HLTF: variants seen among roughly 807,000 people sequenced by gnomAD.
HLTF encodes the protein DNA-dependent ATPase/E3 ubiquitin-protein ligase HLTF.
In HLTF, 127 loss-of-function variants were observed where a neutral mutation model predicts 129.4. That is an observed-to-expected ratio of 0.98 (90% CI 0.85 to 1.14). The LOEUF (loss-of-function observed/expected upper bound fraction) is 1.14. Among genes scored for constraint, HLTF ranks in the 50% most tolerant of loss-of-function variants. The probability of loss-of-function intolerance (pLI) is 0.00; values close to 1 mark genes in which losing one functional copy is unlikely to be tolerated. For missense variants in HLTF, 1,139 were observed against 1,187.1 expected, an observed-to-expected ratio of 0.96 and a Z score of 0.60; for synonymous variants, 332 against 388.8, an observed-to-expected ratio of 0.85 and a Z score of 1.72.
In HLTF at chr3:149,077,099, T is replaced by C. The variant is rs561287858; in HGVS notation, c.229-1052A>G. On this transcript the variant is annotated intron_variant, in intron 2 of 24. Transcript: ENST00000310053. ...CCCGTCTCTACTAAAAATACAAAAA[T>C]TAGCTGGGTGTGGTGGCACGCGCCT... Among the ~76,000 whole-genome samples the C allele has an allele frequency of 2.5e-3, 384 of 151,872 alleles. 1 individual carries two copies. Among genetic ancestry groups the C allele is most frequent in the Non-Finnish European group, 4.7e-3 (320 of 67,946 alleles).
At chr3:149,071,044 C>CAA (rs796316100) in intron 7 of HLTF, among the ~76,000 whole-genome samples, 2 of 112,370 alleles carry the variant, frequency 1.8e-5, no homozygotes, top group Non-Finnish European at 3.8e-5. Flanking sequence ...GACTCCATCT[C>CAA]AAAAAAAAAA....
chr3:149,059,706 A>C lies in HLTF; in HGVS notation c.1375+12T>G, dbSNP rs1384783817. On this transcript the variant is annotated intron_variant, in intron 13 of 24. Coordinates refer to ENST00000310053, the MANE Select transcript of HLTF (RefSeq NM_003071.4). ...AAAAACCAAAAACTAGAAAACAAGG[A>C]TATTTACTGACCCTTTTTCAACATT... 2 of 1,501,162 alleles carry C rather than the reference A, an allele frequency of 1.3e-6. No individual in the cohort carries two copies. The allele number at this position is 1,501,162 out of a possible 1,614,324, so 93.0% of individuals were successfully genotyped here. A position where few individuals can be genotyped will look rare whatever the true frequency, so the allele number is the denominator to read the frequency against.
chr3:149,079,695 C>A (rs887945735), intron 2 of HLTF, among the ~76,000 whole-genome samples: 2 of 152,042 alleles, frequency 1.3e-5, no homozygotes, highest in Admixed American at 6.5e-5. Context: ...CTAGTTCATG[C>A]GATTCTCCTG....
intron 2 of HLTF, among the ~76,000 whole-genome samples, chr3:149,079,103 C>A (rs1719649435): frequency 6.6e-6 from 1 of 151,956 alleles, no homozygotes; most frequent in African/African-American, 2.4e-5. Flanking sequence ...AAATGACACA[C>A]AACAGAGCCT....
chr3:149,065,969 CTA>C (rs1015005412), intron 8 of HLTF, among the ~76,000 whole-genome samples: 1 of 152,118 alleles, frequency 6.6e-6, no homozygotes, highest in African/African-American at 2.4e-5. Context: ...ACAATAATTA[CTA>C]TAACCATTTA....
In HLTF at chr3:149,034,920, T is replaced by C. The variant is rs1398418494; in HGVS notation, c.2875A>G (p.Lys959Glu). ...LGQKQEVIITKFIVKDSVEEN... is the reference protein window; with the variant it reads ...LGQKQEVIITEFIVKDSVEEN... ...AAATAGTTTGTTTAAAAACTCACTT[T>C]TGTGATGATAACTTCTTGCTTCTGA... Residue 959 changes from lysine (K) to glutamate (E), a missense_variant and splice_region_variant, in exon 24 of 25, where the codon AAA (lysine) becomes GAA (glutamate). Transcript: ENST00000310053. 2 of 1,608,378 alleles carry C rather than the reference T, an allele frequency of 1.2e-6. No individual in the cohort carries two copies. The highest frequency in any genetic ancestry group is 1.7e-5 in the Admixed American group (1 of 60,006).
chr3:149,062,920 G>T, intron 10 of HLTF: 1 of 308,214 alleles, frequency 3.2e-6, no homozygotes, highest in Middle Eastern at 4.3e-4. Flanking sequence ...TCTTTTATAG[G>T]TCAGTATCAT....
chr3:149,059,794 CT>C lies in HLTF; in HGVS notation c.1298del (p.Lys433ArgfsTer3). ...ATGCAAATGCCACATCTTCTATAACCTTAGAAGATCCTGCTGATAAAACAAC... is the reference window on the plus strand; with the variant it reads ...ATGCAAATGCCACATCTTCTATAACCTAGAAGATCCTGCTGATAAAACAAC... ...TKGRAKAGSS[K>X]VIEDVAFACA... On this transcript the variant is annotated frameshift_variant, in exon 13 of 25. Coordinates refer to ENST00000310053, the MANE Select transcript of HLTF (RefSeq NM_003071.4). LOFTEE classifies it high-confidence loss of function. The C allele has an allele frequency of 1.3e-6, 2 of 1,589,698 alleles. No individual in the cohort carries two copies. Among genetic ancestry groups the C allele is most frequent in the Non-Finnish European group, 1.7e-6 (2 of 1,168,034 alleles).
chr3:149,056,867 T>C (rs988737595), intron 13 of HLTF, among the ~76,000 whole-genome samples: 19 of 151,940 alleles, frequency 1.3e-4, no homozygotes, highest in Non-Finnish European at 2.9e-5. Context: ...CCCAGCACTT[T>C]GGGAGGCCGA....
Position 149,039,031 on chromosome 3 carries a change from AT to A in HLTF, c.2796+17del, listed in dbSNP as rs767928832. 2.1e-6 allele frequency: 3 copies of A among 1,450,404 alleles called. No individual in the cohort carries two copies. The South Asian group carries it at 4.4e-5, about 21-fold the overall frequency. The allele number at this position is 1,450,404 out of a possible 1,614,324, so 89.8% of individuals were successfully genotyped here. ...AAAGAAGTACTAAGATTCTGAAAAA[AT>A]TTACAGAACTACTTACTGGATCCAT... On this transcript the variant is annotated intron_variant, in intron 23 of 24. Transcript: ENST00000310053.
chr3:149,048,694 A>G (rs1471925945), intron 16 of HLTF, among the ~76,000 whole-genome samples, 169 bp downstream of exon 16: 1 of 152,246 alleles, frequency 6.6e-6, no homozygotes, highest in Non-Finnish European at 1.5e-5. Context: ...ATGTTGTTAT[A>G]TCACGGGCAA....
intron 18 of HLTF, among the ~76,000 whole-genome samples, chr3:149,042,905 C>G (rs1052803951): frequency 1.3e-5 from 2 of 151,932 alleles, no homozygotes; most frequent in Non-Finnish European, 2.9e-5. Flanking sequence ...TTTTGTATAT[C>G]TGGACTAGCA....
intron 10 of HLTF, among the ~76,000 whole-genome samples, chr3:149,061,231 A>G (rs956236960): frequency 1.3e-5 from 2 of 151,850 alleles, no homozygotes; most frequent in Non-Finnish European, 2.9e-5. Context: ...CACTACACCC[A>G]GCGAATTTCA....
rs560540290 is a variant in HLTF, at chr3:149,040,079, T to A, written c.2454A>T (p.Ala818=). ...TATCAGACTTTTTCTCACTGTCACG[T>A]GCTAATTCTTCTGGAGGACATTCTA... The part of the protein sequence containing the change: ...NLLECPPEEL[A]RDSEKKSDME... Residue 818 remains alanine, a synonymous_variant, in exon 21 of 25, where the codon GCA becomes GCT. Coordinates refer to ENST00000310053, the MANE Select transcript of HLTF (RefSeq NM_003071.4). The A allele has an allele frequency of 1.2e-6, 2 of 1,611,674 alleles. No individual in the cohort carries two copies. The highest frequency in any genetic ancestry group is 2.2e-5 in the East Asian group (1 of 44,768).
chr3:149,081,278 A>C (rs1260246492), intron 2 of HLTF, among the ~76,000 whole-genome samples: 2 of 147,964 alleles, frequency 1.4e-5, no homozygotes, highest in Non-Finnish European at 3.0e-5. Flanking sequence ...AAAAAAAAAA[A>C]CAAAAAATAA....
chr3:149,086,512 C>A lies in HLTF; in HGVS notation c.-176G>T. The A allele has an allele frequency of 4.6e-6, 3 of 650,668 alleles. No individual in the cohort carries two copies. The highest frequency in any genetic ancestry group is 2.8e-5 in the Admixed American group (1 of 35,450). 40.3% of individuals were successfully genotyped at this position (650,668 alleles called of 1,614,324 possible). ...CCGCGAGTCCAGTCAGACGTCGACG[C>A]CGTCTCCTTCTGCAACAATCTGGGA... On this transcript the variant is annotated 5_prime_UTR_variant, in exon 1 of 25. Coordinates refer to ENST00000310053, the MANE Select transcript of HLTF (RefSeq NM_003071.4).
intron 8 of HLTF, among the ~76,000 whole-genome samples, chr3:149,065,194 A>C (rs1718259078): frequency 6.6e-6 from 1 of 152,218 alleles, no homozygotes. Flanking sequence ...CTTTATAATT[A>C]AGAATTCTCA....
intron 18 of HLTF, among the ~76,000 whole-genome samples, chr3:149,043,671 T>C (rs1716314019): frequency 6.6e-6 from 1 of 151,828 alleles, no homozygotes; most frequent in Non-Finnish European, 1.5e-5. Context: ...AACCAGGCCA[T>C]CTGATATTTA....
In HLTF at chr3:149,046,067, TCTTTCTCCATACCTTCCAATAGTGG is replaced by T. The variant is rs1457493576; in HGVS notation, c.2060_2072+12del. On this transcript the variant is annotated splice_donor_variant and splice_donor_5th_base_variant and coding_sequence_variant and intron_variant, in exon 18 of 25. Transcript: ENST00000310053. LOFTEE classifies it high-confidence loss of function. ...CAAAAACTAATTTTTAACATGGTTT[TCTTTCTCCATACCTTCCAATAGTGG>T]CTCTGCCTTCATTTTTCACAGACTG... 6.3e-7 allele frequency: 1 copy of T among 1,576,844 alleles called. No homozygotes were observed. The highest frequency in any genetic ancestry group is 8.6e-7 in the Non-Finnish European group (1 of 1,164,088).
Sources: gnomAD v4.1 joint callset for allele counts (sites outside exome capture counted in the v4.1 genomes callset) on GRCh38, gnomAD v4.1.1 for gene constraint, MANE v1.5 for transcripts, NCBI Gene and HGNC (gene_info 2026-07-23, HGNC 2026-07-21) for gene names.